The following NUDCD3 variants were observed in gnomAD, a reference collection of about 807,000 sequenced individuals.
NUDCD3 encodes nudC domain-containing protein 3.
NUDCD3 carries 13 observed loss-of-function variants against 39.7 expected under a neutral mutation model. The observed-to-expected ratio is 0.33, with a 90% CI of 0.21 to 0.52. NUDCD3 has a LOEUF of 0.52. Ranked by LOEUF, NUDCD3 falls within the 20% of genes least tolerant of loss-of-function variation. The probability of loss-of-function intolerance (pLI) is 0.96; values close to 1 mark genes in which losing one functional copy is unlikely to be tolerated. For synonymous variants in NUDCD3, 175 were observed against 172.4 expected (o/e 1.02, Z -0.12); for missense variants, 453 against 458.1 (o/e 0.99, Z 0.10).
Position 44,392,418 on chromosome 7 carries a change from A to G in NUDCD3, c.854T>C (p.Ile285Thr), listed in dbSNP as rs1798536842. ...GGAGCGCTCCTTGTTGATCTTGTCA[A>G]TGTCGATGGGCTCTTCTCCCTCCAG... is the stretch of plus-strand genomic sequence containing the variant. ...AILEGEEPID[I>T]DKINKERSMA... The change falls in exon 5 of 6, where the codon ATT becomes ACT. Residue 285 changes from isoleucine to threonine, a missense_variant. Coordinates refer to ENST00000355451, the MANE Select transcript of NUDCD3 (RefSeq NM_015332.4). The G allele has an allele frequency of 3.1e-6, 5 of 1,614,000 alleles. No individual in the cohort carries two copies. Among genetic ancestry groups the G allele is most frequent in the South Asian group, 1.1e-5 (1 of 91,088 alleles).
At chr7:44,481,835 T>A (rs1187766347) in intron 2 of NUDCD3, among the ~76,000 whole-genome samples, 1 of 152,194 alleles carries the variant, frequency 6.6e-6, no homozygotes, top group African/African-American at 2.4e-5. Flanking sequence ...ATCAGGGCTC[T>A]GCCTTCATGA....
chr7:44,478,219 T>G (rs1299267351), intron 2 of NUDCD3, among the ~76,000 whole-genome samples: 1 of 152,216 alleles, frequency 6.6e-6, no homozygotes, highest in African/African-American at 2.4e-5. Flanking sequence ...GAAATATCTG[T>G]GTGCAAATTC....
intron 4 of NUDCD3, among the ~76,000 whole-genome samples, chr7:44,401,657 A>G (rs1798729475): frequency 6.6e-6 from 1 of 152,236 alleles, no homozygotes. Flanking sequence ...AGGAATTTTT[A>G]GCAGAGAATA....
chr7:44,465,872 C>T (rs947904875), intron 2 of NUDCD3, among the ~76,000 whole-genome samples: 1 of 152,104 alleles, frequency 6.6e-6, no homozygotes, highest in Non-Finnish European at 1.5e-5. Context: ...AAAACTTTTA[C>T]GGAAAAATAG....
intron 4 of NUDCD3, among the ~76,000 whole-genome samples, chr7:44,397,845 T>C (rs1798651730): frequency 6.6e-6 from 1 of 152,144 alleles, no homozygotes; most frequent in Non-Finnish European, 1.5e-5. Flanking sequence ...TTATGATGAT[T>C]TACGGAACAG....
In NUDCD3 at chr7:44,453,121, G is replaced by GGA. The variant is rs1038552991; in HGVS notation, c.510-25419_510-25418insTC. ...TAATCCCAGCACTTTGGGAAGCTGAGGGGGGCGGATCACCTGAGGTCAGGA... is the reference window on the plus strand; with the variant it reads ...TAATCCCAGCACTTTGGGAAGCTGAGGAGGGGGCGGATCACCTGAGGTCAGGA... On this transcript the variant is annotated intron_variant, in intron 2 of 5. Coordinates refer to ENST00000355451, the MANE Select transcript of NUDCD3 (RefSeq NM_015332.4). Among the ~76,000 whole-genome samples, 545 of 151,316 alleles carry GGA rather than the reference G, an allele frequency of 3.6e-3. 2 individuals are homozygous for GGA. The highest frequency in any genetic ancestry group is 0.013 in the African/African-American group (521 of 40,678).
At chr7:44,432,115 C>T (rs1799375699) in intron 2 of NUDCD3, among the ~76,000 whole-genome samples, 1 of 152,148 alleles carries the variant, frequency 6.6e-6, no homozygotes, top group Admixed American at 6.5e-5. Context: ...AGACCCATCT[C>T]TACAAAAAAT....
chr7:44,387,420 C>A (rs1798419265), intron 5 of NUDCD3, among the ~76,000 whole-genome samples: 1 of 152,208 alleles, frequency 6.6e-6, no homozygotes, highest in Non-Finnish European at 1.5e-5. Flanking sequence ...CTATCAATTT[C>A]TTACAGGCAA....
chr7:44,434,282 G>A (rs1344342294), intron 2 of NUDCD3, among the ~76,000 whole-genome samples: 2 of 152,102 alleles, frequency 1.3e-5, no homozygotes, highest in African/African-American at 4.8e-5. Context: ...CAACCCAGAC[G>A]TAGCCTGGGC....
intron 2 of NUDCD3, among the ~76,000 whole-genome samples, chr7:44,483,245 G>A (rs1800532451): frequency 6.6e-6 from 1 of 152,074 alleles, no homozygotes; most frequent in Non-Finnish European, 1.5e-5. Flanking sequence ...AACAAAGAAT[G>A]TCTACTCACT....
chr7:44,416,684 G>A (rs904932218), intron 3 of NUDCD3, among the ~76,000 whole-genome samples: 10 of 152,082 alleles, frequency 6.6e-5, no homozygotes, highest in African/African-American at 1.9e-4. Flanking sequence ...TAGATATACC[G>A]TGTTAATAAA....
At chr7:44,437,705 T>A (rs749218754) in intron 2 of NUDCD3, among the ~76,000 whole-genome samples, 6 of 152,200 alleles carry the variant, frequency 3.9e-5, no homozygotes, top group Non-Finnish European at 8.8e-5. Context: ...AAATTAACTT[T>A]GTAGCTACAG....
chr7:44,386,977 AACCTTCTG>A (rs1477297786), intron 5 of NUDCD3, among the ~76,000 whole-genome samples: 1 of 152,062 alleles, frequency 6.6e-6, no homozygotes, highest in Admixed American at 6.6e-5. Context: ...CCTTCCTTCT[AACCTTCTG>A]ACCACAAGAG....
intron 2 of NUDCD3, among the ~76,000 whole-genome samples, chr7:44,429,415 G>A (rs1445926997): frequency 6.6e-6 from 1 of 152,138 alleles, no homozygotes; most frequent in Non-Finnish European, 1.5e-5. Context: ...TGTGCCTATA[G>A]GCCAAAAAAC....
At chr7:44,482,578 A>G (rs1363661543) in intron 2 of NUDCD3, among the ~76,000 whole-genome samples, 2 of 152,316 alleles carry the variant, frequency 1.3e-5, no homozygotes, top group African/African-American at 4.8e-5. Flanking sequence ...ATCAATACAA[A>G]TAAAAAACAA....
intron 2 of NUDCD3, among the ~76,000 whole-genome samples, chr7:44,470,262 A>G (rs1039275585): frequency 1.3e-5 from 2 of 152,172 alleles, no homozygotes; most frequent in African/African-American, 4.8e-5. Context: ...ACTCCATACC[A>G]CAGCAGCCAG....
At chr7:44,442,357 C>T (rs1799601868) in intron 2 of NUDCD3, among the ~76,000 whole-genome samples, 2 of 152,134 alleles carry the variant, frequency 1.3e-5, no homozygotes, top group African/African-American at 4.8e-5. Flanking sequence ...GCACAGCTGC[C>T]ACATGGAGAG....
chr7:44,407,725 T>G (rs1226520129), intron 3 of NUDCD3, among the ~76,000 whole-genome samples: 2 of 151,996 alleles, frequency 1.3e-5, no homozygotes, highest in African/African-American at 4.8e-5. Context: ...GAGAAGACAC[T>G]ATATCCATAT....
At chr7:44,473,655 T>C (rs1204464904) in intron 2 of NUDCD3, among the ~76,000 whole-genome samples, 5 of 152,190 alleles carry the variant, frequency 3.3e-5, no homozygotes, top group African/African-American at 1.2e-4. Flanking sequence ...AAAGATGATA[T>C]TGAACAACAG....
Sources: gnomAD v4.1 joint callset for allele counts (sites outside exome capture counted in the v4.1 genomes callset) on GRCh38, gnomAD v4.1.1 for gene constraint, MANE v1.5 for transcripts, NCBI Gene and HGNC (gene_info 2026-07-23, HGNC 2026-07-21) for gene names.